Variants in KIAA1958 observed in about 807,000 individuals in gnomAD.
KIAA1958 encodes the protein KIAA1958.
In KIAA1958, 14 loss-of-function variants were observed where a neutral mutation model predicts 47.2. The observed-to-expected ratio is 0.30, with a 90% confidence interval of 0.20 to 0.46. KIAA1958 has a LOEUF of 0.46. KIAA1958 is among the 20% of genes least tolerant of loss of function. The pLI is 1.00. For missense variants in KIAA1958, 803 were observed against 909.2 expected, an observed-to-expected ratio of 0.88 and a Z score of 1.50; for synonymous variants, 354 against 353.3, an observed-to-expected ratio of 1.00 and a Z score of -0.02.
intron 1 of KIAA1958, among the ~76,000 whole-genome samples, chr9:112,529,897 G>C (rs894001929): frequency 7.2e-5 from 11 of 152,048 alleles, no homozygotes; most frequent in East Asian, 5.8e-4. Context: ...AGGCTGGAGT[G>C]CAGTGGTGCT....
chr9:112,660,901 A>C lies in KIAA1958; in HGVS notation c.*832A>C, dbSNP rs2131256431. 6.6e-6 allele frequency: 1 copy of C among 152,342 alleles called. No individual in the cohort carries two copies. Among genetic ancestry groups the C allele is most frequent in the South Asian group, 2.1e-4 (1 of 4,830 alleles). 9.4% of individuals were successfully genotyped at this position (152,342 alleles called of 1,614,324 possible). A position where few individuals can be genotyped will look rare whatever the true frequency, so the allele number is the denominator to read the frequency against. ...CAGAAGTGCCTATGTTTTATTTCTC[A>C]GCACCATGTGAGAGCTCCTTTGATT... On this transcript the variant is annotated 3_prime_UTR_variant, in exon 4 of 4. Transcript: ENST00000337530.
chr9:112,533,796 A>G (rs1460587459), intron 1 of KIAA1958, among the ~76,000 whole-genome samples: 1 of 152,080 alleles, frequency 6.6e-6, no homozygotes, highest in Non-Finnish European at 1.5e-5. Flanking sequence ...AGCATGGGGG[A>G]AACAGCCCCC....
intron 2 of KIAA1958, among the ~76,000 whole-genome samples, chr9:112,600,518 A>G (rs541741851): frequency 1.4e-3 from 212 of 152,360 alleles, no homozygotes; most frequent in African/African-American, 4.8e-3. Context: ...ATACAGTCAC[A>G]TAGTGTCTCT....
intron 1 of KIAA1958, among the ~76,000 whole-genome samples, chr9:112,527,014 A>G (rs1217857333): frequency 6.6e-6 from 1 of 152,216 alleles, no homozygotes; most frequent in East Asian, 1.9e-4. Flanking sequence ...CCAACTTATC[A>G]TCTTAACTTT....
intron 3 of KIAA1958, among the ~76,000 whole-genome samples, chr9:112,656,996 C>T (rs1040893404): frequency 1.3e-5 from 2 of 152,136 alleles, no homozygotes; most frequent in Non-Finnish European, 2.9e-5. Context: ...GTCAGACCTG[C>T]TAGAAGTTTG....
chr9:112,573,053 AC>A (rs889405706), intron 1 of KIAA1958, among the ~76,000 whole-genome samples: 29 of 151,758 alleles, frequency 1.9e-4, no homozygotes, highest in Non-Finnish European at 3.4e-4. Flanking sequence ...TGCTCCCAGG[AC>A]CCCCCTCTTG....
At chr9:112,565,371 T>TG (rs1164945283) in intron 1 of KIAA1958, among the ~76,000 whole-genome samples, 1 of 152,252 alleles carries the variant, frequency 6.6e-6, no homozygotes. Flanking sequence ...CCCAAAGTGC[T>TG]GGGATTACAG....
At chr9:112,569,025 CTG>C (rs1025648031) in intron 1 of KIAA1958, among the ~76,000 whole-genome samples, 1 of 138,496 alleles carries the variant, frequency 7.2e-6, no homozygotes, top group Non-Finnish European at 1.5e-5. Context: ...TGGAGGTAGT[CTG>C]TAAGAACTGG....
At chr9:112,517,477 ATAT>A (rs1320341362) in intron 1 of KIAA1958, among the ~76,000 whole-genome samples, 1 of 152,244 alleles carries the variant, frequency 6.6e-6, no homozygotes, top group Non-Finnish European at 1.5e-5. Context: ...ATAAAACCTA[ATAT>A]TGTAAAATTT....
rs1178346955 is a variant in KIAA1958 at position 112,487,002 on chromosome 9, G to A, written c.-141G>A. The stretch of plus-strand genomic sequence containing the variant: ...ACCTTTGGTGCCCGGCCCTCTGGCC[G>A]CTCTCCTCCCGCCCTCGCGCCCCTT... On this transcript the variant is annotated 5_prime_UTR_variant, in exon 1 of 4. Coordinates refer to ENST00000337530, the MANE Select transcript of KIAA1958 (RefSeq NM_133465.4). 3 of 179,876 alleles carry A rather than the reference G, an allele frequency of 1.7e-5. No homozygotes were observed. Among genetic ancestry groups the A allele is most frequent in the East Asian group, 1.8e-4 (1 of 5,544 alleles). 11.1% of individuals were successfully genotyped at this position (179,876 alleles called of 1,614,324 possible).
chr9:112,500,909 A>G (rs2132765166), intron 1 of KIAA1958, among the ~76,000 whole-genome samples: 1 of 151,854 alleles, frequency 6.6e-6, no homozygotes, highest in Admixed American at 6.6e-5. Flanking sequence ...AGGAATTTCA[A>G]GATCAGCCTG....
chr9:112,625,037 C>CTTT (rs35410206), intron 2 of KIAA1958, among the ~76,000 whole-genome samples: 21 of 462 alleles, frequency 0.045, no homozygotes, highest in Non-Finnish European at 0.062. Context: ...CCCTCCCCTC[C>CTTT]TTTGAGACTC....
intron 2 of KIAA1958, among the ~76,000 whole-genome samples, chr9:112,628,209 C>G (rs532894820): frequency 6.6e-6 from 1 of 152,122 alleles, no homozygotes; most frequent in Non-Finnish European, 1.5e-5. Context: ...TTACAAGATT[C>G]TTTTAATAAA....
intron 1 of KIAA1958, among the ~76,000 whole-genome samples, chr9:112,487,656 C>G (rs1030587339): frequency 6.6e-6 from 1 of 152,162 alleles, no homozygotes; most frequent in Non-Finnish European, 1.5e-5. Flanking sequence ...ACGTGCATGG[C>G]TTCGCTCCCT....
rs1221842139 is a variant in KIAA1958, at chr9:112,574,854, T to C, written c.774T>C (p.Ser258=). The stretch of plus-strand genomic sequence containing the variant: ...CTAAACTGATTCCCCATGTCACATC[T>C]GCCATCAGCACGGAGCTAGACCCAC... The part of the protein sequence containing the change: ...GSAKLIPHVT[S]AISTELDPHG... The change falls in exon 2 of 4, where the codon TCT becomes TCC. Residue 258 remains serine (S), a synonymous_variant. Coordinates refer to ENST00000337530, the MANE Select transcript of KIAA1958 (RefSeq NM_133465.4). The C allele has an allele frequency of 1.2e-6, 2 of 1,614,174 alleles. No individual in the cohort carries two copies. The highest frequency in any genetic ancestry group is 2.2e-5 in the South Asian group (2 of 91,074).
intron 1 of KIAA1958, among the ~76,000 whole-genome samples, chr9:112,497,503 C>T (rs533800029): frequency 1.3e-5 from 2 of 152,274 alleles, no homozygotes; most frequent in South Asian, 4.1e-4. Flanking sequence ...GAATTCTAGC[C>T]TCCAGAATTG....
intron 1 of KIAA1958, among the ~76,000 whole-genome samples, chr9:112,515,049 G>A (rs1587996721): frequency 2.0e-5 from 2 of 97,774 alleles, no homozygotes; most frequent in Non-Finnish European, 2.1e-5. Context: ...TCGGCCCCCC[G>A]CCCGGCCAGC....
At chr9:112,503,811 C>T (rs755861000) in intron 1 of KIAA1958, among the ~76,000 whole-genome samples, 9 of 151,858 alleles carry the variant, frequency 5.9e-5, no homozygotes, top group Non-Finnish European at 1.3e-4. Flanking sequence ...ATTTTTCTCC[C>T]TTCCATTTTC....
At position 112,618,584 on chromosome 9, in the gene KIAA1958, C is replaced by A; in HGVS notation, c.1172-27066C>A. On this transcript the variant is annotated intron_variant, in intron 2 of 3. Transcript: ENST00000337530. This position sits in a 1 kb window ranked among gnomAD's most constrained non-coding sequence, Gnocchi z 7.1. The stretch of plus-strand genomic sequence containing the variant: ...TAAGGAGTATGCCCAGCGGCGGCCT[C>A]CCGCCATGCGCTACGAGGATGCCCC... 1 of 1,550,662 alleles carries A rather than the reference C, an allele frequency of 6.4e-7. No individual in the cohort carries two copies. Among genetic ancestry groups the A allele is most frequent in the South Asian group, 1.2e-5 (1 of 84,068 alleles).
Sources: allele counts gnomAD v4.1 joint callset (sites outside exome capture counted in the v4.1 genomes callset), GRCh38; gene constraint gnomAD v4.1.1; non-coding constraint Gnocchi (gnomAD v3.1); transcripts MANE v1.5; gene names NCBI Gene and HGNC (gene_info 2026-07-23, HGNC 2026-07-21).